The following GMDS variants were observed in gnomAD, a reference collection of about 807,000 sequenced individuals.
GMDS encodes GDP-mannose 4,6-dehydratase.
Under a neutral mutation model 49.9 loss-of-function variants are expected in GMDS, and 20 were observed. That is an observed-to-expected ratio of 0.40 (90% CI 0.28 to 0.58). The LOEUF (loss-of-function observed/expected upper bound fraction) is 0.58. Among genes scored for constraint, GMDS ranks in the 20% least tolerant of loss-of-function variants. GMDS has a pLI of 0.42. For synonymous variants in GMDS, 177 were observed against 178.6 expected, an observed-to-expected ratio of 0.99 and a Z score of 0.07; for missense variants, 362 against 481.4, an observed-to-expected ratio of 0.75 and a Z score of 2.32.
At chr6:1,677,063 G>T (rs185658267) in intron 9 of GMDS, among the ~76,000 whole-genome samples, 132 of 152,202 alleles carry the variant, frequency 8.7e-4, no homozygotes, top group African/African-American at 3.0e-3. Context: ...AATCTACAAA[G>T]AACTTAAACA....
At chr6:1,834,958 G>C (rs1756856060) in intron 7 of GMDS, among the ~76,000 whole-genome samples, 1 of 152,160 alleles carries the variant, frequency 6.6e-6, no homozygotes, top group African/African-American at 2.4e-5. Flanking sequence ...GTTTCACGGA[G>C]AATGTTCTTG....
intron 9 of GMDS, among the ~76,000 whole-genome samples, chr6:1,625,891 G>A (rs1253670353): frequency 4.6e-5 from 7 of 152,232 alleles, no homozygotes; most frequent in Admixed American, 4.6e-4. Flanking sequence ...ATCTTTAAAG[G>A]TGAGAAATAC....
intron 9 of GMDS, among the ~76,000 whole-genome samples, chr6:1,704,112 C>T (rs937130881): frequency 6.6e-6 from 1 of 152,158 alleles, no homozygotes; most frequent in African/African-American, 2.4e-5. Context: ...TTGACTCCAA[C>T]AAGTTAACGT....
At chr6:1,956,122 C>G (rs1277792507) in intron 6 of GMDS, among the ~76,000 whole-genome samples, 2 of 152,142 alleles carry the variant, frequency 1.3e-5, no homozygotes, top group African/African-American at 4.8e-5. Context: ...AAAAGACTAC[C>G]TTGCTACCAT....
chr6:1,709,584 C>A, intron 9 of GMDS, among the ~76,000 whole-genome samples: 1 of 152,196 alleles, frequency 6.6e-6, no homozygotes, highest in Admixed American at 6.5e-5. Context: ...AGGAGAAGCC[C>A]TTAATGCTTG....
rs748447680 is a variant in GMDS, at chr6:1,726,563, G to C, written c.891-51C>G. 6 of 1,383,918 alleles carry C rather than the reference G, an allele frequency of 4.3e-6. No homozygotes were observed. In the South Asian group the frequency reaches 7.0e-5, roughly 16 times the overall value. The allele number at this position is 1,383,918 out of a possible 1,614,324, so 85.7% of individuals were successfully genotyped here. ...AGCTCCTAATTGCTTGGGAACATTT[G>C]GCCATGCTGTAGCACCTTGGGATGC... On this transcript the variant is annotated intron_variant, in intron 8 of 10. Transcript: ENST00000380815.
intron 1 of GMDS, among the ~76,000 whole-genome samples, chr6:2,197,775 A>G (rs77542064): frequency 6.6e-6 from 1 of 152,202 alleles, no homozygotes; most frequent in East Asian, 1.9e-4. Flanking sequence ...GAGAGAAACA[A>G]TGGCACAAGT....
intron 7 of GMDS, among the ~76,000 whole-genome samples, chr6:1,840,950 C>G (rs1048444600): frequency 6.6e-6 from 1 of 152,144 alleles, no homozygotes; most frequent in Non-Finnish European, 1.5e-5. Context: ...ACACTGTACA[C>G]GTAATGCAAG....
chr6:1,696,882 A>C (rs560792894), intron 9 of GMDS, among the ~76,000 whole-genome samples: 2 of 152,326 alleles, frequency 1.3e-5, no homozygotes, highest in South Asian at 4.1e-4. Flanking sequence ...GTAAAACAAC[A>C]AGTGTTTGGC....
chr6:1,648,154 C>A (rs192447153), intron 9 of GMDS, among the ~76,000 whole-genome samples: 2 of 152,290 alleles, frequency 1.3e-5, no homozygotes, highest in East Asian at 1.9e-4. Flanking sequence ...ATGGAATAGG[C>A]CTGGGGCTCT....
chr6:1,852,937 C>T (rs1320656530), intron 7 of GMDS, among the ~76,000 whole-genome samples: 1 of 151,950 alleles, frequency 6.6e-6, no homozygotes, highest in Non-Finnish European at 1.5e-5. Flanking sequence ...AACTCCCGAC[C>T]TCAGGTGATC....
chr6:1,801,765 A>G (rs1769960252), intron 7 of GMDS, among the ~76,000 whole-genome samples: 1 of 152,258 alleles, frequency 6.6e-6, no homozygotes, highest in South Asian at 2.1e-4. Context: ...AGGGTAGAAA[A>G]GAAAGGCATT....
intron 7 of GMDS, among the ~76,000 whole-genome samples, chr6:1,852,430 GA>G (rs1219292548): frequency 6.6e-6 from 1 of 152,120 alleles, no homozygotes; most frequent in African/African-American, 2.4e-5. Flanking sequence ...AGGTGCATAT[GA>G]AAAAAACTTC....
chr6:1,686,993 A>G (rs1764998173), intron 9 of GMDS, among the ~76,000 whole-genome samples: 1 of 152,242 alleles, frequency 6.6e-6, no homozygotes, highest in South Asian at 2.1e-4. Flanking sequence ...CATTTCCTGC[A>G]TCCCAAATAA....
chr6:1,716,430 G>A lies in GMDS; in HGVS notation c.987+9986C>T, dbSNP rs755897952. Among the ~76,000 whole-genome samples the A allele has an allele frequency of 3.3e-5, 5 of 152,228 alleles. 1 individual carries two copies. In the South Asian group the frequency reaches 1.0e-3, roughly 32 times the overall value. On this transcript the variant is annotated intron_variant, in intron 9 of 10. Transcript: ENST00000380815. ...AAGACAGATTAATGGTATCAGAATA[G>A]TGGCCATGTGGAGTTTAATGATGAC... is the stretch of plus-strand genomic sequence containing the variant.
intron 4 of GMDS, among the ~76,000 whole-genome samples, chr6:2,000,790 T>A (rs1270772484): frequency 6.6e-6 from 1 of 152,172 alleles, no homozygotes; most frequent in Non-Finnish European, 1.5e-5. Flanking sequence ...GCCTCCCAAG[T>A]AACTGGAACT....
At chr6:1,768,203 A>T (rs1314497465) in intron 7 of GMDS, among the ~76,000 whole-genome samples, 2 of 152,232 alleles carry the variant, frequency 1.3e-5, no homozygotes, top group African/African-American at 4.8e-5. Flanking sequence ...GAATGTGTGT[A>T]AACAGGGGAA....
chr6:1,729,717 G>C (rs547295973), intron 8 of GMDS, among the ~76,000 whole-genome samples: 1 of 152,344 alleles, frequency 6.6e-6, no homozygotes, highest in African/African-American at 2.4e-5. Flanking sequence ...AGAGGATTCG[G>C]TTAATTAACA....
chr6:1,945,075 C>A (rs1473598778), intron 6 of GMDS, among the ~76,000 whole-genome samples: 1 of 152,062 alleles, frequency 6.6e-6, no homozygotes, highest in African/African-American at 2.4e-5. Flanking sequence ...CAAGAACAAG[C>A]ACAATTAGAA....
Sources: allele counts gnomAD v4.1 joint callset (sites outside exome capture counted in the v4.1 genomes callset), GRCh38; gene constraint gnomAD v4.1.1; transcripts MANE v1.5; gene names NCBI Gene and HGNC (gene_info 2026-07-23, HGNC 2026-07-21).